The following KCNK9 variants were observed in gnomAD, a reference collection of about 807,000 sequenced individuals.
KCNK9 encodes potassium two pore domain channel subfamily K member 9.
Under a neutral mutation model 10.8 loss-of-function variants are expected in KCNK9, and 1 was observed. The observed-to-expected ratio is 0.09, with a 90% confidence interval of 0.03 to 0.44. KCNK9 has a LOEUF of 0.44. KCNK9 is among the 20% of genes least tolerant of loss of function. KCNK9 has a pLI of 0.97. For synonymous variants in KCNK9, 231 were observed against 222.7 expected, an observed-to-expected ratio of 1.04 and a Z score of -0.33; for missense variants, 303 against 515.0, an observed-to-expected ratio of 0.59 and a Z score of 3.98.
intron 1 of KCNK9, among the ~76,000 whole-genome samples, chr8:139,648,256 G>A (rs1175041987): frequency 6.6e-6 from 1 of 152,168 alleles, no homozygotes; most frequent in Admixed American, 6.5e-5. Context: ...GCCGCTAGGG[G>A]ATGGGGAGGA....
chr8:139,662,422 G>A (rs1441979383), intron 1 of KCNK9, among the ~76,000 whole-genome samples: 4 of 152,166 alleles, frequency 2.6e-5, no homozygotes, highest in Non-Finnish European at 5.9e-5. Flanking sequence ...TCTTTATGCT[G>A]AGCTGTACAT....
chr8:139,688,106 A>C (rs931406871), intron 1 of KCNK9, among the ~76,000 whole-genome samples: 1 of 152,196 alleles, frequency 6.6e-6, no homozygotes, highest in Non-Finnish European at 1.5e-5. Flanking sequence ...AAAGCACAGT[A>C]GACTTTGTAT....
At chr8:139,663,002 G>T (rs1816202049) in intron 1 of KCNK9, among the ~76,000 whole-genome samples, 1 of 152,030 alleles carries the variant, frequency 6.6e-6, no homozygotes, top group Non-Finnish European at 1.5e-5. Flanking sequence ...CTTCACACCA[G>T]GGCAGCACCC....
chr8:139,697,067 A>G (rs370369736), intron 1 of KCNK9, among the ~76,000 whole-genome samples: 4 of 150,032 alleles, frequency 2.7e-5, no homozygotes, highest in African/African-American at 9.9e-5. Flanking sequence ...GAATGGATTG[A>G]TGGACGGGTG....
chr8:139,660,343 G>A (rs557585597), intron 1 of KCNK9, among the ~76,000 whole-genome samples: 6 of 152,082 alleles, frequency 3.9e-5, no homozygotes, highest in South Asian at 4.2e-4. Flanking sequence ...GGTGGCTCAC[G>A]CCTGTAGTCC....
At chr8:139,621,788 C>G (rs1814789376) in intron 1 of KCNK9, among the ~76,000 whole-genome samples, 1 of 152,088 alleles carries the variant, frequency 6.6e-6, no homozygotes, top group Admixed American at 6.6e-5. Flanking sequence ...GGTGGGAATC[C>G]TACTATATCT....
intron 1 of KCNK9, among the ~76,000 whole-genome samples, chr8:139,680,549 C>A (rs1204690315): frequency 2.0e-5 from 3 of 152,198 alleles, no homozygotes; most frequent in East Asian, 1.9e-4. Flanking sequence ...GCTGACGTGG[C>A]CTTCTGTGGC....
intron 1 of KCNK9, among the ~76,000 whole-genome samples, chr8:139,689,844 AT>A (rs1816898070): frequency 6.6e-6 from 1 of 152,020 alleles, no homozygotes; most frequent in Non-Finnish European, 1.5e-5. Flanking sequence ...GGGTTTCACC[AT>A]GTTAGCCAGG....
At chr8:139,659,983 G>A (rs1436933499) in intron 1 of KCNK9, among the ~76,000 whole-genome samples, 1 of 152,178 alleles carries the variant, frequency 6.6e-6, no homozygotes, top group Non-Finnish European at 1.5e-5. Context: ...AAGTGGGAGG[G>A]ATGGAGATGG....
At chr8:139,669,367 T>C (rs1243235854) in intron 1 of KCNK9, among the ~76,000 whole-genome samples, 2 of 152,242 alleles carry the variant, frequency 1.3e-5, no homozygotes, top group African/African-American at 4.8e-5. Context: ...GGACTAGGAC[T>C]GCAGAAACTG....
At position 139,702,815 on chromosome 8, in the gene KCNK9, G is replaced by C; in HGVS notation, c.178C>G (p.Arg60Gly). The C allele has an allele frequency of 1.2e-6, 2 of 1,613,982 alleles. No individual in the cohort carries two copies. The highest frequency in any genetic ancestry group is 1.7e-6 in the Non-Finnish European group (2 of 1,179,988). ...TGCAGGATCACCAGCTCCAGCTGCC[G>C]GTAGTCCTCGCTGCTGATGTTGTAC... is the stretch of plus-strand genomic sequence containing the variant. ...GKYNISSEDY[R>G]QLELVILQSE... Residue 60 changes from arginine (R) to glycine (G), a missense_variant, in exon 1 of 2, where the codon CGG becomes GGG. By Grantham distance (125) the Arg-to-Gly change is moderately radical. Around this residue, in one of 5 missense-constraint regions of KCNK9, gnomAD observed 58 missense variants for 102.4 expected, o/e 0.57. Coordinates refer to ENST00000520439, the MANE Select transcript of KCNK9 (RefSeq NM_001282534.2). The surrounding 1 kb of genome is among the most constrained non-coding windows in gnomAD (Gnocchi z 7.5).
chr8:139,653,574 G>A (rs772333352), intron 1 of KCNK9, among the ~76,000 whole-genome samples: 25 of 151,802 alleles, frequency 1.6e-4, no homozygotes, highest in Non-Finnish European at 3.1e-4. Flanking sequence ...ATGCTTCATG[G>A]GAATGTGAGC....
chr8:139,699,314 C>A (rs896364911), intron 1 of KCNK9, among the ~76,000 whole-genome samples: 1 of 152,172 alleles, frequency 6.6e-6, no homozygotes. Flanking sequence ...CCCTTACACA[C>A]CATTTGGCCC....
intron 1 of KCNK9, among the ~76,000 whole-genome samples, chr8:139,680,430 C>T (rs1816664102): frequency 6.6e-6 from 1 of 152,194 alleles, no homozygotes; most frequent in African/African-American, 2.4e-5. Flanking sequence ...TACATACCTC[C>T]GGAGGGGCTA....
chr8:139,643,027 A>G (rs992761634), intron 1 of KCNK9, among the ~76,000 whole-genome samples: 1 of 152,066 alleles, frequency 6.6e-6, no homozygotes, highest in Non-Finnish European at 1.5e-5. Flanking sequence ...GCATCTGATA[A>G]GGCAGTGCCC....
intron 1 of KCNK9, among the ~76,000 whole-genome samples, chr8:139,625,186 G>A (rs930096377): frequency 2.6e-4 from 39 of 152,260 alleles, no homozygotes; most frequent in African/African-American, 9.1e-4. Context: ...AAGTGCCCAT[G>A]TGGATCTGTA....
At chr8:139,654,203 T>C (rs1815950886) in intron 1 of KCNK9, among the ~76,000 whole-genome samples, 1 of 152,264 alleles carries the variant, frequency 6.6e-6, no homozygotes, top group Non-Finnish European at 1.5e-5. Context: ...TTTCTGCCTG[T>C]ATATCCAGCG....
chr8:139,671,892 C>A (rs1816436880), intron 1 of KCNK9, among the ~76,000 whole-genome samples: 1 of 152,202 alleles, frequency 6.6e-6, no homozygotes, highest in Non-Finnish European at 1.5e-5. Context: ...TTATTCAAGG[C>A]TCCCCTGAGC....
chr8:139,686,155 A>C (rs2129777479), intron 1 of KCNK9, among the ~76,000 whole-genome samples: 1 of 152,352 alleles, frequency 6.6e-6, no homozygotes. Flanking sequence ...AACACCATAA[A>C]AACCCTAGAA....
Sources: gnomAD v4.1 joint callset for allele counts (sites outside exome capture counted in the v4.1 genomes callset) on GRCh38, gnomAD v4.1.1 for gene constraint, gnomAD v4.1.1 regional missense constraint, Gnocchi (gnomAD v3.1) non-coding constraint, MANE v1.5 for transcripts, NCBI Gene and HGNC (gene_info 2026-07-23, HGNC 2026-07-21) for gene names.